AKAP13: variants seen among roughly 807,000 people sequenced by gnomAD.
AKAP13 encodes A-kinase anchoring protein 13, also known as A-kinase anchor protein 13.
In AKAP13, 80 loss-of-function variants were observed where a neutral mutation model predicts 264.5. That is an observed-to-expected ratio of 0.30 (90% CI 0.25 to 0.36). The LOEUF (loss-of-function observed/expected upper bound fraction) is 0.36. AKAP13 is among the 10% of genes least tolerant of loss of function. The pLI, the probability that AKAP13 is intolerant of heterozygous loss-of-function variation, is 1.00. For synonymous variants in AKAP13, 1,380 were observed against 1,250.2 expected (o/e 1.10, Z -2.19); for missense variants, 3,712 against 3,435.2 (o/e 1.08, Z -2.01).
At chr15:85,728,319 A>G (rs376437657) in intron 29 of AKAP13, among the ~76,000 whole-genome samples, 4 of 152,266 alleles carry the variant, frequency 2.6e-5, no homozygotes, top group Admixed American at 2.0e-4. Context: ...AAAGCCATAC[A>G]GATGATAGCA....
intron 2 of AKAP13, among the ~76,000 whole-genome samples, chr15:85,495,638 A>G (rs1253325872): frequency 2.0e-5 from 3 of 152,176 alleles, no homozygotes; most frequent in African/African-American, 7.2e-5. Context: ...TTTCCAAGGC[A>G]TGCTCGAAGG....
chr15:85,663,301 C>T (rs2083443370), intron 12 of AKAP13, among the ~76,000 whole-genome samples: 1 of 128,944 alleles, frequency 7.8e-6, no homozygotes, highest in African/African-American at 3.0e-5. Flanking sequence ...CAGAGGGAGG[C>T]TCTGTCTCAA....
chr15:85,523,876 T>C (rs1244102312), intron 3 of AKAP13, among the ~76,000 whole-genome samples: 2 of 151,104 alleles, frequency 1.3e-5, no homozygotes, highest in Non-Finnish European at 2.9e-5. Context: ...ATTTTTAGCT[T>C]GGAGAAGGAA....
At chr15:85,595,637 A>AG (rs1434811740) in intron 8 of AKAP13, among the ~76,000 whole-genome samples, 2 of 152,230 alleles carry the variant, frequency 1.3e-5, no homozygotes, top group African/African-American at 4.8e-5. Context: ...GTTGTACCAC[A>AG]GGTGGTATCA....
chr15:85,599,731 A>C (rs867924417), intron 8 of AKAP13, among the ~76,000 whole-genome samples: 1 of 152,208 alleles, frequency 6.6e-6, no homozygotes, highest in Middle Eastern at 3.4e-3. Flanking sequence ...AATAATGCAT[A>C]CCTTTTATGA....
chr15:85,453,297 G>C (rs2074158093), intron 1 of AKAP13, among the ~76,000 whole-genome samples: 1 of 152,170 alleles, frequency 6.6e-6, no homozygotes, highest in Non-Finnish European at 1.5e-5. Flanking sequence ...GGGGTGGCTG[G>C]AGCCCCAGGC....
intron 26 of AKAP13, 69 bp from the exon 27 acceptor site, chr15:85,726,341 C>A: frequency 7.4e-7 from 1 of 1,344,258 alleles, no homozygotes; most frequent in Non-Finnish European, 1.1e-6. Context: ...CAATAAAAAA[C>A]CTTCTGACTG....
chr15:85,579,833 A>T lies in AKAP13; in HGVS notation c.1765A>T (p.Ile589Phe), dbSNP rs772611824. Residue 589 changes from isoleucine to phenylalanine, a missense_variant, in exon 7 of 37, where the codon ATT becomes TTT. Around this residue, in one of 3 missense-constraint regions of AKAP13, gnomAD observed 2,759 missense variants for 2,411.7 expected, o/e 1.14. Coordinates refer to ENST00000394518, the MANE Select transcript of AKAP13 (RefSeq NM_007200.5). ...TCCAGTAGATCAGAATTCTGTGGTG[A>T]TTCCAGCTGCTGCAAAAGACAAGAT... ...DAPVDQNSVVIPAAAKDKISD... is the reference protein window; with the variant it reads ...DAPVDQNSVVFPAAAKDKISD... 1 of 1,614,202 alleles carries T rather than the reference A, an allele frequency of 6.2e-7. No individual in the cohort carries two copies. The highest frequency in any genetic ancestry group is 2.2e-5 in the East Asian group (1 of 44,884).
At chr15:85,614,920 T>C (rs2080868548) in intron 8 of AKAP13, among the ~76,000 whole-genome samples, 1 of 152,228 alleles carries the variant, frequency 6.6e-6, no homozygotes, top group African/African-American at 2.4e-5. Context: ...TAATAAATCT[T>C]GCTCCAGAAG....
At chr15:85,460,619 C>T (rs1361161518) in intron 1 of AKAP13, among the ~76,000 whole-genome samples, 2 of 152,138 alleles carry the variant, frequency 1.3e-5, no homozygotes, top group African/African-American at 2.4e-5. Context: ...GATGAAAGGC[C>T]TTGAGATGTG....
chr15:85,598,697 G>A (rs1430941171), intron 8 of AKAP13, among the ~76,000 whole-genome samples: 1 of 152,144 alleles, frequency 6.6e-6, no homozygotes, highest in East Asian at 1.9e-4. Context: ...AGCTCTATTG[G>A]GAGAAACAAA....
At position 85,452,345 on chromosome 15, in the gene AKAP13, C is replaced by A. The variant is rs1330867148; in HGVS notation, c.-11-33365C>A. The stretch of plus-strand genomic sequence containing the variant: ...AATCTCAATGATCTTTGTTCCTATC[C>A]ATATTCAGAATTATATTTCTGTCAT... On this transcript the variant is annotated intron_variant, in intron 1 of 36. Transcript: ENST00000394518. 2.0e-5 allele frequency among the ~76,000 whole-genome samples: 3 copies of A among 151,900 alleles called. No individual in the cohort carries two copies. The East Asian group carries it at 5.8e-4, about 29-fold the overall frequency.
chr15:85,446,422 G>T (rs1169796617), intron 1 of AKAP13, among the ~76,000 whole-genome samples: 1 of 152,184 alleles, frequency 6.6e-6, no homozygotes, highest in Non-Finnish European at 1.5e-5. Flanking sequence ...CCGTTAATGA[G>T]GATAAAGGAC....
intron 7 of AKAP13, chr15:85,583,270 A>G (rs2079199071): frequency 1.3e-6 from 1 of 793,560 alleles, no homozygotes. Flanking sequence ...AGGGTTATGG[A>G]GAGAAATGAA....
intron 13 of AKAP13, 135 bp from the exon 14 acceptor site, chr15:85,669,587 A>G: frequency 3.6e-6 from 2 of 559,818 alleles, no homozygotes; most frequent in Non-Finnish European, 6.4e-6. Flanking sequence ...AGTCTGTCTG[A>G]CCACAAGGCC....
chr15:85,663,262 G>C (rs1054562998), intron 12 of AKAP13, among the ~76,000 whole-genome samples: 3 of 150,748 alleles, frequency 2.0e-5, no homozygotes, highest in Admixed American at 2.0e-4. Context: ...GTGAGCCAAG[G>C]TCGTGCCACT....
At chr15:85,609,865 A>G (rs2080524064) in intron 8 of AKAP13, among the ~76,000 whole-genome samples, 1 of 152,172 alleles carries the variant, frequency 6.6e-6, no homozygotes, top group South Asian at 2.1e-4. Flanking sequence ...CGTTTATTTT[A>G]AAACAGCATC....
intron 3 of AKAP13, among the ~76,000 whole-genome samples, chr15:85,522,220 G>A (rs538864565): frequency 4.9e-4 from 75 of 152,146 alleles, no homozygotes; most frequent in Non-Finnish European, 9.3e-4. Flanking sequence ...TTCTCATTAG[G>A]AAAGGAATTG....
At chr15:85,503,252 A>G (rs1277409724) in intron 2 of AKAP13, among the ~76,000 whole-genome samples, 1 of 152,194 alleles carries the variant, frequency 6.6e-6, no homozygotes, top group Non-Finnish European at 1.5e-5. Flanking sequence ...CCATCCTCTT[A>G]GAGTTTACAA....
Sources: gnomAD v4.1 joint callset for allele counts (sites outside exome capture counted in the v4.1 genomes callset) on GRCh38, gnomAD v4.1.1 for gene constraint, gnomAD v4.1.1 regional missense constraint, MANE v1.5 for transcripts, NCBI Gene and HGNC (gene_info 2026-07-23, HGNC 2026-07-21) for gene names.